The following CAST variants were observed in gnomAD, a reference collection of about 807,000 sequenced individuals.
CAST encodes the protein calpastatin, also known as MIR583 host.
A neutral mutation model predicts 119.6 loss-of-function variants in CAST; 76 were observed. The ratio of observed to expected loss-of-function variants is 0.64; its 90% CI spans 0.53 to 0.77. CAST has a LOEUF of 0.77. CAST is among the 30% of genes least tolerant of loss of function. CAST has a pLI of 0.00. For missense variants in CAST, 953 were observed against 946.5 expected, an observed-to-expected ratio of 1.01 and a Z score of -0.09; for synonymous variants, 319 against 331.6, an observed-to-expected ratio of 0.96 and a Z score of 0.41.
At chr5:96,355,110 C>T in the CAST span, among the ~76,000 whole-genome samples, 1 of 151,810 alleles carries the variant, frequency 6.6e-6, no homozygotes, top group Admixed American at 6.6e-5. Flanking sequence ...TTTGCTGCAC[C>T]CATTAACTTG....
At chr5:96,170,435 C>G in the CAST span, among the ~76,000 whole-genome samples, 9 of 152,184 alleles carry the variant, frequency 5.9e-5, no homozygotes, top group African/African-American at 1.9e-4. Flanking sequence ...GGGTTTGTCT[C>G]ACAGTGGAGG....
chr5:96,308,838 C>T, the CAST span: 1 of 152,742 alleles, frequency 6.5e-6, no homozygotes, highest in African/African-American at 2.4e-5. Flanking sequence ...AGCTTTGTCC[C>T]AGAGGGGCAC....
chr5:96,260,137 T>C, the CAST span, among the ~76,000 whole-genome samples: 4 of 152,060 alleles, frequency 2.6e-5, no homozygotes, highest in African/African-American at 4.8e-5. Flanking sequence ...TTTATTAGTG[T>C]GAACTAGGGT....
the CAST span, among the ~76,000 whole-genome samples, chr5:96,029,063 T>C: frequency 1.3e-5 from 2 of 152,150 alleles, no homozygotes. Flanking sequence ...ATTTAAACAT[T>C]ACCTACAATA....
chr5:96,128,285 G>A, the CAST span, among the ~76,000 whole-genome samples: 2 of 152,138 alleles, frequency 1.3e-5, no homozygotes, highest in Non-Finnish European at 2.9e-5. Flanking sequence ...AACTTTTCTG[G>A]TCTGTCTCTT....
chr5:96,116,678 A>G, the CAST span, among the ~76,000 whole-genome samples: 1 of 152,196 alleles, frequency 6.6e-6, no homozygotes, highest in Non-Finnish European at 1.5e-5. Flanking sequence ...GACATTGAGC[A>G]TCTTTCTTAG....
At chr5:96,078,099 G>A in the CAST span, among the ~76,000 whole-genome samples, 1 of 152,148 alleles carries the variant, frequency 6.6e-6, no homozygotes, top group Non-Finnish European at 1.5e-5. Flanking sequence ...CCCTCACATG[G>A]CAGAGGGAGA....
At chr5:95,990,507 G>T in the CAST span, among the ~76,000 whole-genome samples, 1 of 151,816 alleles carries the variant, frequency 6.6e-6, no homozygotes, top group Non-Finnish European at 1.5e-5. Flanking sequence ...GTAGAAAGAA[G>T]AAAAAGGAAA....
the CAST span, among the ~76,000 whole-genome samples, chr5:96,460,387 A>G: frequency 6.6e-6 from 1 of 152,014 alleles, no homozygotes; most frequent in African/African-American, 2.4e-5. Flanking sequence ...AGGTGGTTGG[A>G]GGGCAAAAGG....
intron 1 of CAST, among the ~76,000 whole-genome samples, chr5:96,548,117 T>A: frequency 6.6e-6 from 1 of 152,232 alleles, no homozygotes; most frequent in East Asian, 1.9e-4. Flanking sequence ...AGTATCCAAG[T>A]AATCTTCTCA....
chr5:96,736,468 A>G (rs1416604922), intron 10 of CAST, among the ~76,000 whole-genome samples: 2 of 148,904 alleles, frequency 1.3e-5, no homozygotes, highest in African/African-American at 2.4e-5. Context: ...AAAACAAACA[A>G]ACTCCAGTTT....
the CAST span, among the ~76,000 whole-genome samples, chr5:96,152,830 T>C: frequency 4.6e-5 from 7 of 152,344 alleles, no homozygotes; most frequent in East Asian, 1.3e-3. Flanking sequence ...TTTTTCCCAT[T>C]GGTGCAAAGC....
the CAST span, among the ~76,000 whole-genome samples, chr5:96,347,238 A>G: frequency 6.6e-6 from 1 of 151,816 alleles, no homozygotes; most frequent in African/African-American, 2.4e-5. Flanking sequence ...TACAGTGAAT[A>G]CTCCCTAATG....
chr5:96,041,171 TG>T, the CAST span, among the ~76,000 whole-genome samples: 1 of 152,086 alleles, frequency 6.6e-6, no homozygotes, highest in East Asian at 1.9e-4. Context: ...AGTATGGGGT[TG>T]GGGGTGAAAA....
At chr5:96,599,707 C>T (rs1038380597) in intron 1 of CAST, among the ~76,000 whole-genome samples, 1 of 152,060 alleles carries the variant, frequency 6.6e-6, no homozygotes, top group African/African-American at 2.4e-5. Context: ...TCCATAGGCG[C>T]CCCACTACCA....
chr5:95,962,387 G>A, the CAST span, among the ~76,000 whole-genome samples: 2 of 152,242 alleles, frequency 1.3e-5, no homozygotes, highest in African/African-American at 4.8e-5. Context: ...GCAGCAGGAG[G>A]ACTCGCTAGA....
chr5:96,761,651 G>A (rs1446547286), intron 24 of CAST: 1 of 152,150 alleles, frequency 6.6e-6, no homozygotes, highest in South Asian at 2.1e-4. Flanking sequence ...GGGAGTATTT[G>A]AAATGAAGCA....
chr5:96,209,784 G>A, the CAST span, among the ~76,000 whole-genome samples: 7 of 151,508 alleles, frequency 4.6e-5, no homozygotes, highest in Non-Finnish European at 7.4e-5. Flanking sequence ...GTCAGTCTTG[G>A]AAAATCTGAA....
chr5:96,533,024 CAAAAA>C (rs5869724), intron 1 of CAST, among the ~76,000 whole-genome samples: 3 of 129,816 alleles, frequency 2.3e-5, no homozygotes, highest in Non-Finnish European at 5.1e-5. Flanking sequence ...GACCTGGTCT[CAAAAA>C]AAAAAAAATA....
Sources: gnomAD v4.1 joint callset for allele counts (sites outside exome capture counted in the v4.1 genomes callset) on GRCh38, gnomAD v4.1.1 for gene constraint, MANE v1.5 for transcripts, NCBI Gene and HGNC (gene_info 2026-07-23, HGNC 2026-07-21) for gene names.